Variants in ASPHD2 observed in about 807,000 individuals in gnomAD.
ASPHD2 encodes aspartate beta-hydroxylase domain containing 2.
ASPHD2 carries 12 observed loss-of-function variants against 34.6 expected under a neutral mutation model. The observed-to-expected ratio is 0.35, with a 90% CI of 0.22 to 0.56. The LOEUF is 0.56. ASPHD2 is among the 20% of genes least tolerant of loss of function. ASPHD2 has a pLI of 0.87. For synonymous variants in ASPHD2, 224 were observed against 212.2 expected (o/e 1.06, Z -0.48); for missense variants, 375 against 505.0 (o/e 0.74, Z 2.47).
At chr22:26,430,451 A>G (rs1265088547) in intron 1 of ASPHD2, among the ~76,000 whole-genome samples, 3 of 152,212 alleles carry the variant, frequency 2.0e-5, no homozygotes, top group South Asian at 2.1e-4. Flanking sequence ...CAGAGCTGCA[A>G]TGAGATGTCC....
chr22:26,441,219 G>A (rs1355248008), intron 2 of ASPHD2, among the ~76,000 whole-genome samples: 2 of 152,322 alleles, frequency 1.3e-5, no homozygotes, highest in African/African-American at 2.4e-5. Flanking sequence ...GCTCTTGCCT[G>A]TAATCCCAAC....
intron 1 of ASPHD2, among the ~76,000 whole-genome samples, chr22:26,430,206 A>T (rs1202785672): frequency 6.6e-6 from 1 of 152,220 alleles, no homozygotes; most frequent in African/African-American, 2.4e-5. Context: ...GGGGGCTTCC[A>T]GGGTGACTTG....
At chr22:26,439,277 T>G (rs1568984363) in intron 2 of ASPHD2, among the ~76,000 whole-genome samples, 1 of 152,066 alleles carries the variant, frequency 6.6e-6, no homozygotes, top group East Asian at 1.9e-4. Context: ...TGCACACTTG[T>G]AATCCCAGCT....
In ASPHD2 at chr22:26,434,203, G is replaced by A; in HGVS notation, c.588G>A (p.Gln196=). The change falls in exon 2 of 4, where the codon CAG becomes CAA. Residue 196 remains glutamine, a synonymous_variant. Coordinates refer to ENST00000215906, the MANE Select transcript of ASPHD2 (RefSeq NM_020437.5). ...HDVEVLERNF[Q]TILCEFETLY... ...TGGAAGTGCTGGAACGGAACTTCCAGACCATCCTGTGTGAGTTTGAGACCC... is the reference window on the plus strand; with the variant it reads ...TGGAAGTGCTGGAACGGAACTTCCAAACCATCCTGTGTGAGTTTGAGACCC... 6.2e-7 allele frequency: 1 copy of A among 1,613,962 alleles called. No individual in the cohort carries two copies. Among genetic ancestry groups the A allele is most frequent in the South Asian group, 1.1e-5 (1 of 91,072 alleles).
intron 2 of ASPHD2, among the ~76,000 whole-genome samples, chr22:26,437,999 G>A (rs1224808788): frequency 6.6e-6 from 1 of 152,182 alleles, no homozygotes; most frequent in Non-Finnish European, 1.5e-5. Context: ...CAGGAATGGG[G>A]GCAGGAGCAG....
intron 2 of ASPHD2, among the ~76,000 whole-genome samples, chr22:26,435,922 T>C (rs1399252124): frequency 6.6e-6 from 1 of 152,186 alleles, no homozygotes; most frequent in African/African-American, 2.4e-5. Context: ...GTTCTTCATC[T>C]GTAAAATGGG....
At chr22:26,436,415 C>T (rs976291683) in intron 2 of ASPHD2, among the ~76,000 whole-genome samples, 1 of 152,188 alleles carries the variant, frequency 6.6e-6, no homozygotes, top group African/African-American at 2.4e-5. Context: ...CACTTGGCTG[C>T]AGACGGGGTG....
In ASPHD2 at chr22:26,440,795, A is replaced by C. The variant is rs558320088; in HGVS notation, c.887-1664A>C. On this transcript the variant is annotated intron_variant, in intron 2 of 3. Coordinates refer to ENST00000215906, the MANE Select transcript of ASPHD2 (RefSeq NM_020437.5). ...AAGGCTAGAACCCAAGGAGGAGAAC[A>C]CTGTGTGAGCCTTTGATTTTTTAAT... 2.0e-5 allele frequency among the ~76,000 whole-genome samples: 3 copies of C among 151,760 alleles called. No homozygotes were observed. The South Asian group carries it at 6.2e-4, about 31-fold the overall frequency.
Position 26,443,518 on chromosome 22 carries a change from T to C in ASPHD2, c.*312T>C. On this transcript the variant is annotated 3_prime_UTR_variant, in exon 4 of 4. Coordinates refer to ENST00000215906, the MANE Select transcript of ASPHD2 (RefSeq NM_020437.5). Reference sequence around the variant, plus strand: ...ACCAGAGACTTAGTGCCCTTGTAAGTCTGTCTTCTGTTGCTACTTGTTTTT... The same window carrying C: ...ACCAGAGACTTAGTGCCCTTGTAAGCCTGTCTTCTGTTGCTACTTGTTTTT... 1 of 222,412 alleles carries C rather than the reference T, an allele frequency of 4.5e-6. No individual in the cohort carries two copies. The highest frequency in any genetic ancestry group is 8.8e-6 in the Non-Finnish European group (1 of 113,180). 13.8% of individuals were successfully genotyped at this position (222,412 alleles called of 1,614,324 possible).
At position 26,442,520 on chromosome 22, in the gene ASPHD2, A is replaced by C. The variant is rs1462306136; in HGVS notation, c.948A>C (p.Glu316Asp). 1 of 1,611,850 alleles carries C rather than the reference A, an allele frequency of 6.2e-7. No homozygotes were observed. The highest frequency in any genetic ancestry group is 1.7e-5 in the Admixed American group (1 of 59,670). ...VVGGEPQCWA[E>D]GRCLLFDDSF... ...GGGGAGAGCCCCAGTGCTGGGCAGA[A>C]GGGCGCTGCCTTCTCTTTGATGACT... is the stretch of plus-strand genomic sequence containing the variant. The change falls in exon 3 of 4, where the codon GAA becomes GAC. Residue 316 changes from glutamate (E) to aspartate (D), a missense_variant. Around this residue, in one of 3 missense-constraint regions of ASPHD2, gnomAD observed 142 missense variants for 217.9 expected, o/e 0.65. Coordinates refer to ENST00000215906, the MANE Select transcript of ASPHD2 (RefSeq NM_020437.5).
rs776417011 is a variant in ASPHD2 at position 26,443,229 on chromosome 22, G to C, written c.*23G>C. 6.2e-7 allele frequency: 1 copy of C among 1,600,438 alleles called. No homozygotes were observed. Among genetic ancestry groups the C allele is most frequent in the Non-Finnish European group, 8.6e-7 (1 of 1,167,542 alleles). On this transcript the variant is annotated 3_prime_UTR_variant, in exon 4 of 4. Transcript: ENST00000215906. ...TGAGAGTATTTCCCATGCTGGAGTC[G>C]GCGAGAAGGGCCGAGGCGGGGCCTG...
rs2084769412 is a variant in ASPHD2 at position 26,433,512 on chromosome 22, C to G, written c.-104C>G. Reference sequence around the variant, plus strand: ...CCGGAAAGTGGAGCAGTGGGCACGGCCAACCTTGTCGTTCATCAATGCCGC... The same window carrying G: ...CCGGAAAGTGGAGCAGTGGGCACGGGCAACCTTGTCGTTCATCAATGCCGC... On this transcript the variant is annotated 5_prime_UTR_variant, in exon 2 of 4. Coordinates refer to ENST00000215906, the MANE Select transcript of ASPHD2 (RefSeq NM_020437.5). This position sits in a 1 kb window ranked among gnomAD's most constrained non-coding sequence, Gnocchi z 5.1. 3 of 882,606 alleles carry G rather than the reference C, an allele frequency of 3.4e-6. No individual in the cohort carries two copies. The South Asian group carries it at 4.6e-5, about 14-fold the overall frequency. 54.7% of individuals were successfully genotyped at this position (882,606 alleles called of 1,614,324 possible). A position where few individuals can be genotyped will look rare whatever the true frequency, so the allele number is the denominator to read the frequency against.
intron 1 of ASPHD2, among the ~76,000 whole-genome samples, chr22:26,430,638 T>G (rs566548017): frequency 1.3e-5 from 2 of 152,326 alleles, no homozygotes; most frequent in East Asian, 3.9e-4. Flanking sequence ...TTTGAAGCAG[T>G]GCTTAATAAA....
chr22:26,434,317 C>A lies in ASPHD2; in HGVS notation c.702C>A (p.Val234=). The A allele has an allele frequency of 6.2e-7, 1 of 1,614,146 alleles. No homozygotes were observed. The highest frequency in any genetic ancestry group is 1.1e-5 in the South Asian group (1 of 91,086). Residue 234 remains valine, a synonymous_variant, in exon 2 of 4, where the codon GTC becomes GTA. Coordinates refer to ENST00000215906, the MANE Select transcript of ASPHD2 (RefSeq NM_020437.5). The part of the protein sequence containing the change: ...PSGEWFTFYL[V]NQGVCVPRNC... ...GGGAGTGGTTCACCTTTTACTTGGT[C>A]AATCAGGGGGTTTGTGTTCCCAGGA...
chr22:26,438,440 T>C (rs1447262913), intron 2 of ASPHD2, among the ~76,000 whole-genome samples: 3 of 139,878 alleles, frequency 2.1e-5, no homozygotes, highest in Non-Finnish European at 4.6e-5. Context: ...TATACACACA[T>C]ACATATATAT....
At chr22:26,438,774 G>A (rs746574824) in intron 2 of ASPHD2, among the ~76,000 whole-genome samples, 3 of 151,868 alleles carry the variant, frequency 2.0e-5, no homozygotes, top group Non-Finnish European at 4.4e-5. Context: ...GCAAACTGAG[G>A]AGCAAGGAAA....
At position 26,434,077 on chromosome 22, in the gene ASPHD2, G is replaced by A. The variant is rs770275085; in HGVS notation, c.462G>A (p.Arg154=). The change falls in exon 2 of 4, where the codon CGG becomes CGA. Residue 154 remains arginine, a synonymous_variant. Coordinates refer to ENST00000215906, the MANE Select transcript of ASPHD2 (RefSeq NM_020437.5). ...ACAAGGGCATCCGCGAGCAGGGCCG[G>A]TACCTCAACAGCCGGCCCTCCATCC... ...RIHKGIREQG[R]YLNSRPSIQK... 1.9e-6 allele frequency: 3 copies of A among 1,613,236 alleles called. No individual in the cohort carries two copies. The highest frequency in any genetic ancestry group is 2.7e-5 in the African/African-American group (2 of 74,920).
chr22:26,435,663 T>G (rs1410539561), intron 2 of ASPHD2, among the ~76,000 whole-genome samples: 1 of 151,774 alleles, frequency 6.6e-6, no homozygotes, highest in African/African-American at 2.4e-5. Flanking sequence ...GCTGTCTGTG[T>G]GGGGGTTCTG....
chr22:26,434,036 G>C lies in ASPHD2; in HGVS notation c.421G>C (p.Gly141Arg). Residue 141 changes from glycine to arginine, a missense_variant, in exon 2 of 4, where the codon GGC (glycine) becomes CGC (arginine). Coordinates refer to ENST00000215906, the MANE Select transcript of ASPHD2 (RefSeq NM_020437.5). The stretch of plus-strand genomic sequence containing the variant: ...GTACGCCAAGCGCTACTCCTGGTCC[G>C]GCATGGGCCGCATCCACAAGGGCAT... ...QEYAKRYSWS[G>R]MGRIHKGIRE... is the part of the protein sequence containing the mutation. 1.2e-6 allele frequency: 2 copies of C among 1,613,406 alleles called. No homozygotes were observed. The highest frequency in any genetic ancestry group is 1.7e-6 in the Non-Finnish European group (2 of 1,179,968).
Sources: allele counts gnomAD v4.1 joint callset (sites outside exome capture counted in the v4.1 genomes callset), GRCh38; gene constraint gnomAD v4.1.1; regional missense constraint gnomAD v4.1.1; non-coding constraint Gnocchi (gnomAD v3.1); transcripts MANE v1.5; gene names NCBI Gene and HGNC (gene_info 2026-07-23, HGNC 2026-07-21).